SORBS2: variants seen among roughly 807,000 people sequenced by gnomAD.
SORBS2 encodes the protein sorbin and SH3 domain-containing protein 2.
A neutral mutation model predicts 97.7 loss-of-function variants in SORBS2; 46 were observed. The observed-to-expected ratio is 0.47, with a 90% CI of 0.37 to 0.60. The LOEUF is 0.60. SORBS2 is among the 20% of genes least tolerant of loss of function. The pLI, the probability that SORBS2 is intolerant of heterozygous loss-of-function variation, is 0.00. For synonymous variants in SORBS2, 476 were observed against 473.4 expected (o/e 1.01, Z -0.07); for missense variants, 1,316 against 1,282.3 (o/e 1.03, Z -0.40).
At chr4:185,838,442 T>G (rs1000101160) in intron 1 of SORBS2, among the ~76,000 whole-genome samples, 1 of 152,168 alleles carries the variant, frequency 6.6e-6, no homozygotes, top group Non-Finnish European at 1.5e-5. Flanking sequence ...CCAAGGGCTG[T>G]CTGGGGGGCT....
At chr4:185,866,496 A>C (rs946380739) in intron 1 of SORBS2, among the ~76,000 whole-genome samples, 1 of 152,224 alleles carries the variant, frequency 6.6e-6, no homozygotes, top group African/African-American at 2.4e-5. Context: ...CATGAGCCCC[A>C]TTCAAGAGCG....
chr4:185,754,337 C>T (rs1268240820), intron 2 of SORBS2, among the ~76,000 whole-genome samples: 4 of 152,080 alleles, frequency 2.6e-5, no homozygotes, highest in African/African-American at 4.8e-5. Context: ...GAAAAACTAC[C>T]TATCAAGTAC....
At chr4:185,649,589 A>C in exon 3 of SORBS2, 1 of 1,604,134 alleles carries the variant, frequency 6.2e-7, no homozygotes, top group South Asian at 1.1e-5. Context: ...GGCTTTTGGA[A>C]AGAGGTCTGT....
At chr4:185,856,877 G>A (rs563825307) in intron 1 of SORBS2, among the ~76,000 whole-genome samples, 9 of 152,278 alleles carry the variant, frequency 5.9e-5, no homozygotes, top group East Asian at 5.8e-4. Context: ...AGGAGAGAGC[G>A]TGTAAGAGAA....
At chr4:185,702,626 G>A (rs1294976957) in intron 2 of SORBS2, among the ~76,000 whole-genome samples, 1 of 151,924 alleles carries the variant, frequency 6.6e-6, no homozygotes, top group Admixed American at 6.6e-5. Context: ...TGTTTTAGGG[G>A]ACTTCCAGGT....
intron 2 of SORBS2, among the ~76,000 whole-genome samples, chr4:185,721,448 TC>T (rs922736049): frequency 2.0e-5 from 3 of 152,092 alleles, no homozygotes; most frequent in African/African-American, 7.2e-5. Flanking sequence ...GGTGACTGGG[TC>T]TTTGCCCTAC....
chr4:185,638,014 T>C (rs924201830), intron 4 of SORBS2, 65 bp downstream of exon 15: 10 of 989,158 alleles, frequency 1.0e-5, no homozygotes, highest in Non-Finnish European at 1.6e-5. Context: ...CTACTGATAA[T>C]TGTATTTTAG....
chr4:185,676,134 G>A (rs2097785995), intron 4 of SORBS2, among the ~76,000 whole-genome samples: 1 of 152,190 alleles, frequency 6.6e-6, no homozygotes, highest in Non-Finnish European at 1.5e-5. Flanking sequence ...CTGTCATTGA[G>A]TGCTTGCTCT....
chr4:185,866,687 C>T (rs2099227078), intron 1 of SORBS2, among the ~76,000 whole-genome samples: 1 of 152,224 alleles, frequency 6.6e-6, no homozygotes, highest in Non-Finnish European at 1.5e-5. Context: ...ACAAATTATA[C>T]TTTATGACAA....
At chr4:185,877,942 C>CA (rs869153459) in intron 1 of SORBS2, among the ~76,000 whole-genome samples, 5 of 53,060 alleles carry the variant, frequency 9.4e-5, no homozygotes, top group African/African-American at 2.4e-4. Flanking sequence ...ACTCTTTACC[C>CA]AAAAAAACAA....
intron 4 of SORBS2, among the ~76,000 whole-genome samples, chr4:185,675,595 G>C (rs1250792842): frequency 6.6e-6 from 1 of 152,088 alleles, no homozygotes; most frequent in Non-Finnish European, 1.5e-5. Flanking sequence ...CTGTGCCTCA[G>C]TTTCCTTAGC....
chr4:185,757,050 G>T (rs753763204), intron 2 of SORBS2: 6 of 782,586 alleles, frequency 7.7e-6, no homozygotes, highest in South Asian at 1.4e-5. Context: ...GATGAACTTC[G>T]CAGGCTTCCA....
intron 1 of SORBS2, among the ~76,000 whole-genome samples, chr4:185,939,108 T>C (rs2099270571): frequency 6.6e-6 from 1 of 152,362 alleles, no homozygotes; most frequent in East Asian, 1.9e-4. Flanking sequence ...CATATGTTGA[T>C]GGTCTTGCTA....
chr4:185,953,006 T>C (rs2099277921), intron 1 of SORBS2, among the ~76,000 whole-genome samples: 1 of 152,092 alleles, frequency 6.6e-6, no homozygotes, highest in South Asian at 2.1e-4. Context: ...TTTATTAAGT[T>C]ATGTTGGTCT....
chr4:185,737,858 C>A lies in SORBS2; in HGVS notation c.-198+37369G>T, dbSNP rs543554865. On this transcript the variant is annotated intron_variant, in intron 2 of 20. Transcript: ENST00000284776. ...TGAAGCTTCCTGCCAATAAGCAAACCTTTCCACCCTCCGCTCAGCTACAGA... is the reference window on the plus strand; with the variant it reads ...TGAAGCTTCCTGCCAATAAGCAAACATTTCCACCCTCCGCTCAGCTACAGA... Among the ~76,000 whole-genome samples the A allele has an allele frequency of 1.1e-4, 16 of 152,270 alleles. No individual in the cohort carries two copies. In the East Asian group the frequency reaches 2.5e-3, roughly 24 times the overall value.
At position 185,929,622 on chromosome 4, in the gene SORBS2, G is replaced by A. The variant is rs540673492; in HGVS notation, c.-338+26574C>T. The stretch of plus-strand genomic sequence containing the variant: ...GACTCACTGACTCACTGGAACCTCC[G>A]CCTCCCGGGTTCAAGAGATTCTCCT... On this transcript the variant is annotated intron_variant, in intron 1 of 20. Transcript: ENST00000284776. Among the ~76,000 whole-genome samples, 15 of 149,704 alleles carry A rather than the reference G, an allele frequency of 1.0e-4. No individual in the cohort carries two copies. The South Asian group carries it at 2.6e-3, about 25-fold the overall frequency.
Position 185,638,934 on chromosome 4 carries a change from C to T in SORBS2, c.396+7734G>A, listed in dbSNP as rs954237870. Reference sequence around the variant, plus strand: ...TTGGTGTGGGGGCGCCACTCCGGGGCGGAGGGGAGGGGCTACCAGTGACTT... The same window carrying T: ...TTGGTGTGGGGGCGCCACTCCGGGGTGGAGGGGAGGGGCTACCAGTGACTT... On this transcript the variant is annotated intron_variant, in intron 4 of 14. Transcript: ENST00000418609. The T allele has an allele frequency of 4.7e-6, 7 of 1,503,848 alleles. No homozygotes were observed. The Admixed American group carries it at 7.3e-5, about 16-fold the overall frequency. 93.2% of individuals were successfully genotyped at this position (1,503,848 alleles called of 1,614,324 possible).
At chr4:185,869,794 C>T (rs2099229397) in intron 1 of SORBS2, among the ~76,000 whole-genome samples, 1 of 152,190 alleles carries the variant, frequency 6.6e-6, no homozygotes, top group Non-Finnish European at 1.5e-5. Context: ...ATCACTGAGC[C>T]TCATTTCTGC....
chr4:185,704,202 T>A (rs1318093237), intron 2 of SORBS2, among the ~76,000 whole-genome samples: 1 of 152,236 alleles, frequency 6.6e-6, no homozygotes, highest in East Asian at 1.9e-4. Context: ...ATAATTCATA[T>A]TTATTTCCCA....
Sources: allele counts gnomAD v4.1 joint callset (sites outside exome capture counted in the v4.1 genomes callset), GRCh38; gene constraint gnomAD v4.1.1; transcripts MANE v1.5; gene names NCBI Gene and HGNC (gene_info 2026-07-23, HGNC 2026-07-21).